OSBPL10: variants seen among roughly 807,000 people sequenced by gnomAD.
OSBPL10 encodes the protein oxysterol binding protein like 10.
OSBPL10 carries 49 observed loss-of-function variants against 81.7 expected under a neutral mutation model. The ratio of observed to expected loss-of-function variants is 0.60; its 90% CI spans 0.48 to 0.76. The LOEUF (loss-of-function observed/expected upper bound fraction) is 0.76. OSBPL10 is among the 30% of genes least tolerant of loss of function. The pLI is 0.00. For missense variants in OSBPL10, 923 were observed against 987.8 expected (o/e 0.93, Z 0.88); for synonymous variants, 419 against 383.6 (o/e 1.09, Z -1.08).
chr3:31,737,976 G>C (rs1303805605), intron 5 of OSBPL10, among the ~76,000 whole-genome samples: 2 of 148,274 alleles, frequency 1.3e-5, no homozygotes, highest in Non-Finnish European at 3.0e-5. Flanking sequence ...CTCCAGCCTG[G>C]GTGACACAGC....
chr3:31,668,550 C>A, intron 10 of OSBPL10, 92 bp downstream of exon 10: 1 of 1,217,118 alleles, frequency 8.2e-7, no homozygotes, highest in South Asian at 2.0e-5. Flanking sequence ...TGTTTCCAGT[C>A]GCTAAGTTTC....
chr3:31,730,681 T>C (rs1390274996), intron 6 of OSBPL10, among the ~76,000 whole-genome samples: 1 of 152,242 alleles, frequency 6.6e-6, no homozygotes, highest in Admixed American at 6.5e-5. Flanking sequence ...ATTAAATATG[T>C]ACAGCTCTTT....
At chr3:31,916,132 C>G (rs1377109512) in intron 1 of OSBPL10, among the ~76,000 whole-genome samples, 2 of 150,984 alleles carry the variant, frequency 1.3e-5, no homozygotes, top group Non-Finnish European at 2.9e-5. Context: ...AGCACTGTCT[C>G]CAGGAGGGAA....
chr3:31,742,596 T>C (rs888991812), intron 5 of OSBPL10, among the ~76,000 whole-genome samples: 3 of 152,188 alleles, frequency 2.0e-5, no homozygotes, highest in African/African-American at 7.2e-5. Flanking sequence ...CAAGCCTGTT[T>C]TACAGCATCT....
intron 1 of OSBPL10, among the ~76,000 whole-genome samples, chr3:32,070,360 T>C (rs1699819998): frequency 6.6e-6 from 1 of 152,200 alleles, no homozygotes; most frequent in African/African-American, 2.4e-5. Context: ...AGTTCCCTTA[T>C]TAGGTCAAGA....
chr3:31,899,819 A>G (rs1297383669), intron 1 of OSBPL10, among the ~76,000 whole-genome samples: 1 of 152,100 alleles, frequency 6.6e-6, no homozygotes, highest in Non-Finnish European at 1.5e-5. Flanking sequence ...CACCTCTACA[A>G]AAAAAATTTT....
intron 1 of OSBPL10, among the ~76,000 whole-genome samples, chr3:31,936,555 G>C (rs1318737881): frequency 6.6e-6 from 1 of 152,114 alleles, no homozygotes. Context: ...ATGGTGAAAA[G>C]AAAAAGTAAA....
chr3:31,689,671 G>A (rs889615197), intron 7 of OSBPL10, among the ~76,000 whole-genome samples: 1 of 152,158 alleles, frequency 6.6e-6, no homozygotes, highest in African/African-American at 2.4e-5. Flanking sequence ...TTAACAGTAA[G>A]TCTCATGAGA....
chr3:31,811,947 GTTA>G (rs1699692295), intron 4 of OSBPL10, among the ~76,000 whole-genome samples: 1 of 152,164 alleles, frequency 6.6e-6, no homozygotes, highest in Non-Finnish European at 1.5e-5. Flanking sequence ...AAGAAATAGA[GTTA>G]TCACAGAAGT....
At chr3:31,831,406 C>CAAAA (rs111331865) in intron 3 of OSBPL10, among the ~76,000 whole-genome samples, 6 of 109,042 alleles carry the variant, frequency 5.5e-5, no homozygotes, top group Admixed American at 9.9e-5. Context: ...AACTCCGTCT[C>CAAAA]AAAAAAAAAA....
intron 3 of OSBPL10, among the ~76,000 whole-genome samples, chr3:31,847,702 G>A (rs1700667463): frequency 6.6e-6 from 1 of 152,166 alleles, no homozygotes; most frequent in African/African-American, 2.4e-5. Flanking sequence ...CAGGAAGTCA[G>A]AAGTGTCTCA....
At chr3:31,719,840 CT>C (rs1046086216) in intron 6 of OSBPL10, among the ~76,000 whole-genome samples, 2 of 151,798 alleles carry the variant, frequency 1.3e-5, no homozygotes, top group African/African-American at 4.8e-5. Context: ...AAATAAATTC[CT>C]TGTTAAATAA....
intron 1 of OSBPL10, among the ~76,000 whole-genome samples, chr3:31,965,480 ATTATCTATT>A: frequency 9.7e-6 from 1 of 102,706 alleles, no homozygotes; most frequent in East Asian, 2.5e-4. Context: ...TATATTATAT[ATTATCTATT>A]TTATATAATA....
At chr3:31,847,095 C>G (rs1458263727) in intron 3 of OSBPL10, among the ~76,000 whole-genome samples, 2 of 152,108 alleles carry the variant, frequency 1.3e-5, no homozygotes, top group African/African-American at 2.4e-5. Context: ...ATCCCCCAAC[C>G]CAATGTCTCA....
At chr3:32,042,721 C>T (rs917483288) in intron 2 of OSBPL10, among the ~76,000 whole-genome samples, 1 of 152,056 alleles carries the variant, frequency 6.6e-6, no homozygotes, top group African/African-American at 2.4e-5. Context: ...TTAAAGCCAG[C>T]AAATTTTATT....
At chr3:32,005,289 A>G (rs368438272) in intron 2 of OSBPL10, among the ~76,000 whole-genome samples, 1 of 152,286 alleles carries the variant, frequency 6.6e-6, no homozygotes, top group African/African-American at 2.4e-5. Context: ...CATCTAGTTC[A>G]TAGGGCCTAA....
At chr3:31,985,889 C>A (rs1418668567), upstream of OSBPL10, among the ~76,000 whole-genome samples, 3 of 152,336 alleles carry the variant, frequency 2.0e-5, no homozygotes, top group African/African-American at 7.2e-5. Context: ...ACAGTTCTTA[C>A]TCCCATTTTA....
intron 4 of OSBPL10, among the ~76,000 whole-genome samples, chr3:31,761,824 A>C (rs73826890): frequency 0.034 from 5,057 of 149,716 alleles, 667 homozygotes; most frequent in African/African-American, 0.12. Context: ...AAAAAAAAAA[A>C]AAAAAAACCC....
chr3:31,948,572 A>C (rs1394062527), intron 1 of OSBPL10, among the ~76,000 whole-genome samples: 1 of 152,168 alleles, frequency 6.6e-6, no homozygotes, highest in Non-Finnish European at 1.5e-5. Flanking sequence ...TATAACTAAC[A>C]ACTTTCCTCC....
Sources: allele counts gnomAD v4.1 joint callset (sites outside exome capture counted in the v4.1 genomes callset), GRCh38; gene constraint gnomAD v4.1.1; transcripts MANE v1.5; gene names NCBI Gene and HGNC (gene_info 2026-07-23, HGNC 2026-07-21).